The following CACNA1C variants were observed in gnomAD, a reference collection of about 807,000 sequenced individuals.
CACNA1C encodes calcium voltage-gated channel subunit alpha1 C.
A neutral mutation model predicts 229.0 loss-of-function variants in CACNA1C; 30 were observed. The observed-to-expected ratio is 0.13, with a 90% CI of 0.10 to 0.18. The LOEUF (loss-of-function observed/expected upper bound fraction) is 0.18, where lower values mean the gene tolerates loss of function less well. Ranked by LOEUF, CACNA1C falls within the 10% of genes least tolerant of loss-of-function variation. CACNA1C has a pLI of 1.00. For missense variants in CACNA1C, 1,658 were observed against 2,845.0 expected, an observed-to-expected ratio of 0.58 and a Z score of 9.49; for synonymous variants, 1,114 against 1,132.5, an observed-to-expected ratio of 0.98 and a Z score of 0.33.
intron 26 of CACNA1C, chr12:2,607,424 T>G: frequency 3.3e-6 from 1 of 298,846 alleles, no homozygotes. Context: ...TCATTACCCT[T>G]ATGGCATCTG....
intron 3 of CACNA1C, among the ~76,000 whole-genome samples, chr12:2,125,408 C>T (rs1596510221): frequency 6.6e-6 from 1 of 152,244 alleles, no homozygotes; most frequent in East Asian, 1.9e-4. Context: ...TGAAACATTC[C>T]CATTGTTGTG....
intron 43 of CACNA1C, among the ~76,000 whole-genome samples, 179 bp downstream of exon 43, chr12:2,682,857 A>ACACC (rs375605186): frequency 0.013 from 8 of 630 alleles, no homozygotes; most frequent in East Asian, 0.5. Context: ...CCCAACACAC[A>ACACC]ACACACACAA....
At chr12:2,120,257 A>C in intron 2 of CACNA1C, 68 bp from the exon 3 acceptor site, 1 of 840,032 alleles carries the variant, frequency 1.2e-6, no homozygotes. Flanking sequence ...CATTTTAAAA[A>C]ATATGTAGAT....
intron 1 of CACNA1C, among the ~76,000 whole-genome samples, chr12:2,076,724 C>A (rs1437903609): frequency 1.3e-5 from 2 of 152,178 alleles, no homozygotes; most frequent in Non-Finnish European, 2.9e-5. Flanking sequence ...TGTATCGGAA[C>A]CATTGCTGTT....
chr12:2,268,705 G>A (rs1321948773), intron 3 of CACNA1C, among the ~76,000 whole-genome samples: 1 of 152,170 alleles, frequency 6.6e-6, no homozygotes, highest in East Asian at 1.9e-4. Context: ...ACCACGGGAA[G>A]GGCTCCCCAA....
intron 1 of CACNA1C, among the ~76,000 whole-genome samples, chr12:2,094,353 G>A (rs916317048): frequency 2.6e-5 from 4 of 152,172 alleles, no homozygotes; most frequent in South Asian, 2.1e-4. Flanking sequence ...GAGACTCAGC[G>A]GAGCACCCCC....
intron 3 of CACNA1C, among the ~76,000 whole-genome samples, chr12:2,430,340 C>T (rs1362340700): frequency 6.6e-6 from 1 of 152,206 alleles, no homozygotes; most frequent in Non-Finnish European, 1.5e-5. Context: ...ATTCCATGAA[C>T]TGGCAGGACA....
At chr12:2,572,037 CTTTTTT>C (rs5796014) in intron 13 of CACNA1C, among the ~76,000 whole-genome samples, 1 of 128,486 alleles carries the variant, frequency 7.8e-6, no homozygotes, top group Non-Finnish European at 1.6e-5. Flanking sequence ...AATTTCTTCT[CTTTTTT>C]TTTTTTTTTT....
In CACNA1C at chr12:2,053,829, C is replaced by T. The variant is rs980445284; in HGVS notation, c.49+218C>T. Among the ~76,000 whole-genome samples, 1 of 150,370 alleles carries T rather than the reference C, an allele frequency of 6.7e-6. No individual in the cohort carries two copies. The highest frequency in any genetic ancestry group is 1.5e-5 in the Non-Finnish European group (1 of 67,470). ...GGAGCGGAAAATTCCCGCCCCTCCC[C>T]CTCCGGGCCCCAGCTTCTCCAGAGC... On this transcript the variant is annotated intron_variant, in intron 1 of 46. Transcript: ENST00000399655. This position sits in a 1 kb window ranked among gnomAD's most constrained non-coding sequence, Gnocchi z 5.8.
chr12:1,974,769 A>G, intron 1 of CACNA1C, among the ~76,000 whole-genome samples: 1 of 152,206 alleles, frequency 6.6e-6, no homozygotes, highest in Non-Finnish European at 1.5e-5. Context: ...CATGTCAGTC[A>G]TTCCAGCAAC....
intron 3 of CACNA1C, among the ~76,000 whole-genome samples, chr12:2,423,729 C>T (rs749213156): frequency 7.9e-5 from 12 of 152,246 alleles, no homozygotes; most frequent in African/African-American, 1.9e-4. Flanking sequence ...GAATTTACTG[C>T]GCTGTGTCTA....
intron 1 of CACNA1C, among the ~76,000 whole-genome samples, chr12:1,978,826 C>T (rs966937121): frequency 1.3e-5 from 2 of 152,196 alleles, no homozygotes; most frequent in Non-Finnish European, 2.9e-5. Flanking sequence ...CTTTGCTCAA[C>T]ATGTTTCTGA....
Position 2,557,279 on chromosome 12 carries a change from G to A in CACNA1C, c.1508+302G>A, listed in dbSNP as rs184718336. Among the ~76,000 whole-genome samples the A allele has an allele frequency of 1.2e-4, 18 of 152,304 alleles. No homozygotes were observed. The East Asian group carries it at 3.3e-3, about 28-fold the overall frequency. ...CTTCTAAGATGAAGTCCAGTTAAAA[G>A]AAACATAAAGTGAGCCCTTGTGACT... On this transcript the variant is annotated intron_variant, in intron 11 of 46. Transcript: ENST00000399655.
At chr12:2,368,639 C>T (rs1024963213) in intron 3 of CACNA1C, among the ~76,000 whole-genome samples, 1 of 152,096 alleles carries the variant, frequency 6.6e-6, no homozygotes, top group African/African-American at 2.4e-5. Flanking sequence ...TAAATGAAAG[C>T]ATGTCGTATT....
At chr12:2,563,475 C>A (rs1413661620) in intron 11 of CACNA1C, among the ~76,000 whole-genome samples, 2 of 152,224 alleles carry the variant, frequency 1.3e-5, no homozygotes, top group Non-Finnish European at 2.9e-5. Flanking sequence ...GTGGCCCTCA[C>A]TGGAGATGGC....
At chr12:2,623,300 G>A (rs533879493) in intron 29 of CACNA1C, among the ~76,000 whole-genome samples, 90 of 152,130 alleles carry the variant, frequency 5.9e-4, no homozygotes, top group African/African-American at 2.2e-3. Context: ...CCCTGCAGAA[G>A]CTTCGCTGTT....
rs41276710 is a variant in CACNA1C at position 2,665,667 on chromosome 12, T to C, written c.4485T>C (p.Asp1495=). The part of the protein sequence containing the change: ...DWSILGPHHL[D]EFKRIWAEYD... ...CCATCCTTGGTCCCCACCACCTGGATGAGTTTAAAAGAATCTGGGCAGAGT... is the reference window on the plus strand; with the variant it reads ...CCATCCTTGGTCCCCACCACCTGGACGAGTTTAAAAGAATCTGGGCAGAGT... The change falls in exon 36 of 47, where the codon GAT becomes GAC. Residue 1495 remains aspartate, a synonymous_variant. Transcript: ENST00000399655. This position sits in a 1 kb window ranked among gnomAD's most constrained non-coding sequence, Gnocchi z 5.9. 9.8e-3 allele frequency: 15,792 copies of C among 1,613,432 alleles called. 701 individuals are homozygous for C. In the African/African-American group the frequency reaches 0.13, roughly 14 times the overall value.
intron 3 of CACNA1C, among the ~76,000 whole-genome samples, chr12:2,193,462 A>C (rs992985864): frequency 2.0e-5 from 3 of 151,964 alleles, no homozygotes; most frequent in African/African-American, 7.2e-5. Flanking sequence ...CTCAAAAAAA[A>C]ACAAAAAACA....
At chr12:2,572,696 T>TCTCCTCTTCCTC (rs1327825423) in intron 13 of CACNA1C, among the ~76,000 whole-genome samples, 41 of 42,332 alleles carry the variant, frequency 9.7e-4, no homozygotes, top group African/African-American at 2.6e-3. Flanking sequence ...TCTTCCTCCT[T>TCTCCTCTTCCTC]CTCCTCTTCC....
Sources: allele counts gnomAD v4.1 joint callset (sites outside exome capture counted in the v4.1 genomes callset), GRCh38; gene constraint gnomAD v4.1.1; non-coding constraint Gnocchi (gnomAD v3.1); transcripts MANE v1.5; gene names NCBI Gene and HGNC (gene_info 2026-07-23, HGNC 2026-07-21).